Variants in MOB3C observed in about 807,000 individuals in gnomAD.
The protein encoded by MOB3C is MOB1, Mps One Binder kinase activator-like 2C.
Under a neutral mutation model 19.8 loss-of-function variants are expected in MOB3C, and 17 were observed. The ratio of observed to expected loss-of-function variants is 0.86; its 90% confidence interval spans 0.59 to 1.29. The LOEUF (loss-of-function observed/expected upper bound fraction) is 1.29, where lower values mean the gene tolerates loss of function less well. Among genes scored for constraint, MOB3C ranks in the 50% most tolerant of loss-of-function variants. The pLI is 0.00. For missense variants in MOB3C, 291 were observed against 301.9 expected (o/e 0.96, Z 0.27); for synonymous variants, 101 against 119.2 (o/e 0.85, Z 0.99).
chr1:46,614,171 G>A (rs1675524535), intron 1 of MOB3C: 1 of 152,260 alleles, frequency 6.6e-6, no homozygotes, highest in African/African-American at 2.4e-5. Flanking sequence ...GGAGGTAGAA[G>A]AGTATAGTCA....
Sources: allele counts gnomAD v4.1 joint callset, GRCh38; gene constraint gnomAD v4.1.1; transcripts MANE v1.5; gene names NCBI Gene and HGNC (gene_info 2026-07-23, HGNC 2026-07-21).